DYNLT2B: variants seen among roughly 807,000 people sequenced by gnomAD.
The protein encoded by DYNLT2B is dynein light chain Tctex-type 2B.
In DYNLT2B, 14 loss-of-function variants were observed where a neutral mutation model predicts 19.5. The ratio of observed to expected loss-of-function variants is 0.72; its 90% CI spans 0.47 to 1.12. The LOEUF (loss-of-function observed/expected upper bound fraction) is 1.12, where lower values mean the gene tolerates loss of function less well. Among genes scored for constraint, DYNLT2B ranks in the 50% most tolerant of loss-of-function variants. The probability of loss-of-function intolerance (pLI) is 0.00; values close to 1 mark genes in which losing one functional copy is unlikely to be tolerated. For synonymous variants in DYNLT2B, 70 were observed against 59.7 expected (o/e 1.17, Z -0.79); for missense variants, 133 against 174.7 (o/e 0.76, Z 1.35).
intron 3 of DYNLT2B, among the ~76,000 whole-genome samples, chr3:196,301,753 T>TA (rs1170220371): frequency 2.6e-5 from 4 of 151,292 alleles, no homozygotes; most frequent in African/African-American, 9.7e-5. Flanking sequence ...GACTAAAATG[T>TA]AAAAATAGAG....
chr3:196,314,551 A>G (rs1283260693), intron 2 of DYNLT2B, among the ~76,000 whole-genome samples: 1 of 151,964 alleles, frequency 6.6e-6, no homozygotes, highest in Non-Finnish European at 1.5e-5. Context: ...AGTGGCTCAC[A>G]CCTGCAATCC....
At position 196,298,275 on chromosome 3, in the gene DYNLT2B, A is replaced by T. The variant is rs575186741; in HGVS notation, c.318-2206T>A. On this transcript the variant is annotated intron_variant, in intron 3 of 4. Coordinates refer to ENST00000325318, the MANE Select transcript of DYNLT2B (RefSeq NM_152773.5). Reference sequence around the variant, plus strand: ...AGAGTTGTTTGTTTTTTGAGACAAAAATATAAAATAGTGAGACCCCAATTG... The same window carrying T: ...AGAGTTGTTTGTTTTTTGAGACAAATATATAAAATAGTGAGACCCCAATTG... 2.1e-4 allele frequency: 39 copies of T among 181,406 alleles called. No homozygotes were observed. In the East Asian group the frequency reaches 5.1e-3, roughly 24 times the overall value. 11.2% of individuals were successfully genotyped at this position (181,406 alleles called of 1,614,324 possible).
At chr3:196,306,323 G>A (rs1222980980) in intron 3 of DYNLT2B, among the ~76,000 whole-genome samples, 2 of 147,816 alleles carry the variant, frequency 1.4e-5, no homozygotes, top group Non-Finnish European at 3.0e-5. Context: ...AGCTACTCAG[G>A]AGGCTGAGGC....
chr3:196,301,942 T>C (rs151112291), intron 3 of DYNLT2B, among the ~76,000 whole-genome samples: 11 of 151,782 alleles, frequency 7.2e-5, no homozygotes, highest in African/African-American at 1.2e-4. Context: ...AAAAGGCCAA[T>C]AGAAAAATAT....
intron 4 of DYNLT2B, among the ~76,000 whole-genome samples, chr3:196,293,755 C>A (rs1344926055): frequency 1.3e-5 from 2 of 150,002 alleles, no homozygotes; most frequent in Non-Finnish European, 3.0e-5. Flanking sequence ...AGCAATTCTC[C>A]TGCCTCAGCC....
intron 2 of DYNLT2B, among the ~76,000 whole-genome samples, chr3:196,314,119 C>A (rs569268726): frequency 2.8e-4 from 43 of 151,826 alleles, no homozygotes; most frequent in Middle Eastern, 3.4e-3. Flanking sequence ...CTTATGGATA[C>A]TTTTTTGTAT....
chr3:196,315,142 TG>T, intron 2 of DYNLT2B: 1 of 382,734 alleles, frequency 2.6e-6, no homozygotes, highest in Non-Finnish European at 5.0e-6. Flanking sequence ...AAAACTTACA[TG>T]AGTAAAAGTC....
chr3:196,317,368 CAG>C, intron 1 of DYNLT2B, among the ~76,000 whole-genome samples: 1 of 31,682 alleles, frequency 3.2e-5, no homozygotes, highest in African/African-American at 8.9e-5. Flanking sequence ...ATATTTTTTT[CAG>C]TGTGTGTGTG....
chr3:196,316,554 C>T (rs1726799214), intron 1 of DYNLT2B, among the ~76,000 whole-genome samples: 2 of 151,786 alleles, frequency 1.3e-5, no homozygotes, highest in African/African-American at 4.8e-5. Context: ...TTGTTCTGCA[C>T]GCTTTCACAA....
intron 3 of DYNLT2B, among the ~76,000 whole-genome samples, chr3:196,299,331 G>A (rs879874193): frequency 1.9e-4 from 29 of 151,130 alleles, no homozygotes; most frequent in Non-Finnish European, 3.8e-4. Flanking sequence ...GTGATCCACC[G>A]GCCTCGGCCT....
At chr3:196,301,754 A>T in intron 3 of DYNLT2B, among the ~76,000 whole-genome samples, 1 of 151,966 alleles carries the variant, frequency 6.6e-6, no homozygotes, top group South Asian at 2.1e-4. Flanking sequence ...ACTAAAATGT[A>T]AAAATAGAGT....
intron 2 of DYNLT2B, among the ~76,000 whole-genome samples, chr3:196,313,522 G>A (rs550626800): frequency 9.2e-5 from 14 of 152,072 alleles, no homozygotes; most frequent in African/African-American, 3.4e-4. Flanking sequence ...TATTGGTGGT[G>A]GCATTCAGGT....
At chr3:196,313,613 G>A (rs1490790616) in intron 2 of DYNLT2B, among the ~76,000 whole-genome samples, 1 of 152,034 alleles carries the variant, frequency 6.6e-6, no homozygotes, top group Non-Finnish European at 1.5e-5. Context: ...TCTTAACGAT[G>A]AACCTTCATT....
At chr3:196,314,600 G>T (rs1234721481) in intron 2 of DYNLT2B, among the ~76,000 whole-genome samples, 1 of 151,970 alleles carries the variant, frequency 6.6e-6, no homozygotes, top group African/African-American at 2.4e-5. Context: ...ATCACTTGAG[G>T]CCAGGAGCTC....
At chr3:196,314,203 TAAG>T (rs966930227) in intron 2 of DYNLT2B, among the ~76,000 whole-genome samples, 1 of 152,046 alleles carries the variant, frequency 6.6e-6, no homozygotes, top group Non-Finnish European at 1.5e-5. Context: ...TGATGTCTTC[TAAG>T]AAGAGCAGAT....
chr3:196,314,430 T>C (rs1577394499), intron 2 of DYNLT2B, among the ~76,000 whole-genome samples: 1 of 138,616 alleles, frequency 7.2e-6, no homozygotes, highest in African/African-American at 2.8e-5. Context: ...ACCACTGCAC[T>C]CCAGCCTGGG....
intron 3 of DYNLT2B, among the ~76,000 whole-genome samples, chr3:196,303,432 T>C (rs961222002): frequency 1.3e-5 from 2 of 152,160 alleles, no homozygotes; most frequent in Non-Finnish European, 2.9e-5. Flanking sequence ...AGTAAGTTTA[T>C]AGTAAAGAAA....
chr3:196,306,594 G>A (rs949482505), intron 3 of DYNLT2B, among the ~76,000 whole-genome samples: 1 of 151,832 alleles, frequency 6.6e-6, no homozygotes, highest in African/African-American at 2.4e-5. Context: ...TGTCACCCAG[G>A]CTGGAGTGCA....
rs1324704339 is a variant in DYNLT2B at position 196,293,770 on chromosome 3, G to C, written c.381+2236C>G. Among the ~76,000 whole-genome samples the C allele has an allele frequency of 1.3e-4, 19 of 145,382 alleles. 1 individual carries two copies. Among genetic ancestry groups the C allele is most frequent in the Non-Finnish European group, 4.5e-5 (3 of 66,684 alleles). On this transcript the variant is annotated intron_variant, in intron 4 of 4. Transcript: ENST00000325318. ...AGCAATTCTCCTGCCTCAGCCTCCC[G>C]AGTAGCTGGGATTACAGGCACCCAA... is the stretch of plus-strand genomic sequence containing the variant.
Sources: gnomAD v4.1 joint callset for allele counts (sites outside exome capture counted in the v4.1 genomes callset) on GRCh38, gnomAD v4.1.1 for gene constraint, MANE v1.5 for transcripts, NCBI Gene and HGNC (gene_info 2026-07-23, HGNC 2026-07-21) for gene names.